BAHCC1: variants seen among roughly 807,000 people sequenced by gnomAD.
BAHCC1 encodes BAH and coiled-coil domain-containing protein 1.
BAHCC1 carries 43 observed loss-of-function variants against 88.2 expected under a neutral mutation model. That is an observed-to-expected ratio of 0.49 (90% confidence interval 0.38 to 0.63). The LOEUF is 0.63. BAHCC1 is among the 20% of genes least tolerant of loss of function. The pLI is 0.00. For missense variants in BAHCC1, 3,023 were observed against 1,654.8 expected (o/e 1.83, Z -14.34); for synonymous variants, 1,510 against 745.5 (o/e 2.03, Z -16.71).
intron 2 of BAHCC1, among the ~76,000 whole-genome samples, chr17:81,400,337 A>C (rs1159167055): frequency 6.7e-6 from 1 of 148,160 alleles, no homozygotes; most frequent in African/African-American, 2.5e-5. Flanking sequence ...GGGGGAGGGG[A>C]CCAGGGTACG....
Position 81,418,752 on chromosome 17 carries a change from C to T in BAHCC1, c.179-8048C>T, listed in dbSNP as rs549024240. On this transcript the variant is annotated intron_variant, in intron 2 of 27. Transcript: ENST00000675386. Reference sequence around the variant, plus strand: ...CTGCCAAGGTGCGCACACCCACAGACGTGTGTGTGTGTACGTGTGTGTACG... The same window carrying T: ...CTGCCAAGGTGCGCACACCCACAGATGTGTGTGTGTGTACGTGTGTGTACG... Among the ~76,000 whole-genome samples the T allele has an allele frequency of 2.4e-3, 290 of 119,092 alleles. 2 individuals are homozygous for T. The highest frequency in any genetic ancestry group is 8.5e-3 in the African/African-American group (281 of 32,982). The allele number at this position is 119,092 out of a possible 152,430, so 78.1% of individuals were successfully genotyped here.
intron 3 of BAHCC1, among the ~76,000 whole-genome samples, chr17:81,428,087 C>T (rs2064221309): frequency 6.6e-6 from 1 of 152,150 alleles, no homozygotes; most frequent in African/African-American, 2.4e-5. Context: ...CAGGGGAGGC[C>T]GCTACCTTGG....
At position 81,459,614 on chromosome 17, in the gene BAHCC1, A is replaced by T. The variant is rs1555658578; in HGVS notation, c.5905+10A>T. ...GGCAACGTGGTCCGGGGTAAGTTGCACCCAAAGCGGGGGCTGGGGCAGGCC... is the reference window on the plus strand; with the variant it reads ...GGCAACGTGGTCCGGGGTAAGTTGCTCCCAAAGCGGGGGCTGGGGCAGGCC... On this transcript the variant is annotated intron_variant, in intron 23 of 27. Coordinates refer to ENST00000675386, the MANE Select transcript of BAHCC1 (RefSeq NM_001377448.1). The T allele has an allele frequency of 2.6e-6, 2 of 779,278 alleles. No homozygotes were observed. The highest frequency in any genetic ancestry group is 3.4e-5 in the African/African-American group (2 of 59,088). 48.3% of individuals were successfully genotyped at this position (779,278 alleles called of 1,614,324 possible). A position where few individuals can be genotyped will look rare whatever the true frequency, so the allele number is the denominator to read the frequency against.
intron 2 of BAHCC1, among the ~76,000 whole-genome samples, chr17:81,420,761 G>A (rs982855479): frequency 3.3e-5 from 5 of 152,234 alleles, no homozygotes; most frequent in Admixed American, 6.5e-5. Flanking sequence ...TGCAGTCCTC[G>A]GTGGCCCCGC....
Position 81,443,413 on chromosome 17 carries a change from G to A in BAHCC1, c.2064G>A (p.Glu688=), listed in dbSNP as rs1391869209. Residue 688 remains glutamate (E), a synonymous_variant, in exon 5 of 28, where the codon GAG becomes GAA. Transcript: ENST00000675386. ...GGCCGGACTGTGCCCGCAGCAGGGA[G>A]CACGACACCACGCACGGCGACGGGG... ...SERPDCARSR[E]HDTTHGDGEV... The A allele has an allele frequency of 1.3e-6, 1 of 769,846 alleles. No homozygotes were observed. The highest frequency in any genetic ancestry group is 1.7e-5 in the African/African-American group (1 of 58,944). The allele number at this position is 769,846 out of a possible 1,614,324, so 47.7% of individuals were successfully genotyped here. A position where few individuals can be genotyped will look rare whatever the true frequency, so the allele number is the denominator to read the frequency against.
chr17:81,401,454 C>T (rs568836191), intron 2 of BAHCC1: 1 of 152,812 alleles, frequency 6.5e-6, no homozygotes, highest in South Asian at 2.1e-4. Context: ...CTTGCCTGAG[C>T]GATGGGTGAT....
chr17:81,415,157 T>G (rs1207938602), intron 2 of BAHCC1, among the ~76,000 whole-genome samples: 1 of 152,204 alleles, frequency 6.6e-6, no homozygotes, highest in African/African-American at 2.4e-5. Flanking sequence ...CCTGGCCGTG[T>G]GACCCCCACC....
chr17:81,435,309 C>T lies in BAHCC1; in HGVS notation c.359-3061C>T. On this transcript the variant is annotated intron_variant, in intron 3 of 27. Coordinates refer to ENST00000675386, the MANE Select transcript of BAHCC1 (RefSeq NM_001377448.1). The surrounding 1 kb of genome is among the most constrained non-coding windows in gnomAD (Gnocchi z 4.4). ...ATCAGGTGCCTGTGGCTTTGAGCCTCTGTCTCCTGCAGTCTGTCCCATCAC... is the reference window on the plus strand; with the variant it reads ...ATCAGGTGCCTGTGGCTTTGAGCCTTTGTCTCCTGCAGTCTGTCCCATCAC... 2 of 380,054 alleles carry T rather than the reference C, an allele frequency of 5.3e-6. No homozygotes were observed. Among genetic ancestry groups the T allele is most frequent in the Admixed American group, 3.1e-5 (1 of 32,042 alleles). The allele number at this position is 380,054 out of a possible 1,614,324, so 23.5% of individuals were successfully genotyped here.
chr17:81,452,863 G>A lies in BAHCC1; in HGVS notation c.4445+12G>A, dbSNP rs782528868. The A allele has an allele frequency of 1.4e-6, 1 of 735,014 alleles. No individual in the cohort carries two copies. Among genetic ancestry groups the A allele is most frequent in the South Asian group, 1.5e-5 (1 of 68,618 alleles). The allele number at this position is 735,014 out of a possible 1,614,324, so 45.5% of individuals were successfully genotyped here. A position where few individuals can be genotyped will look rare whatever the true frequency, so the allele number is the denominator to read the frequency against. On this transcript the variant is annotated intron_variant, in intron 14 of 27. Coordinates refer to ENST00000675386, the MANE Select transcript of BAHCC1 (RefSeq NM_001377448.1). ...GGCAAGAAAGTCAAGTGAGTCCTGG[G>A]CACTGGCATGGCAGGGCGCGTGTGG... is the stretch of plus-strand genomic sequence containing the variant.
rs1261539488 is a variant in BAHCC1, at chr17:81,460,855, T to G, written c.6203-11T>G. ...CAGCTGGGGCTGACTCTGCTGGGCT[T>G]TTGCCCTCAGGTAAAGCCGAACTCC... On this transcript the variant is annotated splice_polypyrimidine_tract_variant and intron_variant, in intron 25 of 27. Transcript: ENST00000675386. 2 of 766,490 alleles carry G rather than the reference T, an allele frequency of 2.6e-6. No homozygotes were observed. The highest frequency in any genetic ancestry group is 4.8e-6 in the Non-Finnish European group (2 of 417,880). The allele number at this position is 766,490 out of a possible 1,614,324, so 47.5% of individuals were successfully genotyped here.
chr17:81,429,114 T>C (rs1454911367), intron 3 of BAHCC1, among the ~76,000 whole-genome samples: 2 of 152,214 alleles, frequency 1.3e-5, no homozygotes, highest in South Asian at 2.1e-4. Flanking sequence ...TCTCCCGCTG[T>C]CCGTGTCAGG....
At chr17:81,414,768 C>T (rs550691728) in intron 2 of BAHCC1, among the ~76,000 whole-genome samples, 1 of 152,326 alleles carries the variant, frequency 6.6e-6, no homozygotes, top group East Asian at 1.9e-4. Flanking sequence ...TCCCCAACCC[C>T]AAGGCCCCGG....
intron 2 of BAHCC1, chr17:81,412,972 G>A (rs2063973413): frequency 7.1e-6 from 2 of 282,054 alleles, no homozygotes; most frequent in Non-Finnish European, 1.5e-5. Flanking sequence ...CGGAAGCTCG[G>A]TGCGGGTGCG....
intron 2 of BAHCC1, among the ~76,000 whole-genome samples, chr17:81,419,899 G>T (rs1254711131): frequency 6.7e-6 from 1 of 150,164 alleles, no homozygotes; most frequent in Non-Finnish European, 1.5e-5. Context: ...CCGGCTCCGC[G>T]CCCGCCTCTC....
chr17:81,452,675 G>A (rs782023944), intron 13 of BAHCC1, 48 bp from the exon 14 acceptor site: 1 of 693,168 alleles, frequency 1.4e-6, no homozygotes, highest in Non-Finnish European at 2.6e-6. Flanking sequence ...CCTTGTCGGG[G>A]AGCTGGGTTG....
rs781970064 is a variant in BAHCC1 at position 81,462,726 on chromosome 17, C to T, written c.7384-14C>T. 1.4e-6 allele frequency: 1 copy of T among 740,442 alleles called. No homozygotes were observed. The highest frequency in any genetic ancestry group is 2.5e-6 in the Non-Finnish European group (1 of 395,836). 45.9% of individuals were successfully genotyped at this position (740,442 alleles called of 1,614,324 possible). ...CCCGGCCTCTCAGAGCCACCCTGCC[C>T]ATGTCCCCCACAGCGGCGTGGCATG... On this transcript the variant is annotated splice_polypyrimidine_tract_variant and intron_variant, in intron 26 of 27. Coordinates refer to ENST00000675386, the MANE Select transcript of BAHCC1 (RefSeq NM_001377448.1).
chr17:81,458,787 C>G, intron 19 of BAHCC1, 26 bp from the exon 20 acceptor site: 1 of 760,398 alleles, frequency 1.3e-6, no homozygotes. Context: ...TGCACCCCAC[C>G]CAAGCCTGAC....
In BAHCC1 at chr17:81,462,703, C is replaced by G. The variant is rs782279458; in HGVS notation, c.7384-37C>G. On this transcript the variant is annotated intron_variant, in intron 26 of 27. Transcript: ENST00000675386. ...GCCGCCACCTGTCCCCACAGCCCCC[C>G]GGCCTCTCAGAGCCACCCTGCCCAT... The G allele has an allele frequency of 1.9e-5, 14 of 722,910 alleles. No homozygotes were observed. The African/African-American group carries it at 2.2e-4, about 12-fold the overall frequency. 44.8% of individuals were successfully genotyped at this position (722,910 alleles called of 1,614,324 possible). A position where few individuals can be genotyped will look rare whatever the true frequency, so the allele number is the denominator to read the frequency against.
chr17:81,445,558 G>A lies in BAHCC1; in HGVS notation c.3040G>A (p.Ala1014Thr), dbSNP rs782226991. 6.2e-5 allele frequency: 45 copies of A among 723,112 alleles called. No homozygotes were observed. Among genetic ancestry groups the A allele is most frequent in the Middle Eastern group, 2.6e-4 (1 of 3,866 alleles). The allele number at this position is 723,112 out of a possible 1,614,324, so 44.8% of individuals were successfully genotyped here. Residue 1014 changes from alanine (A) to threonine (T), a missense_variant, in exon 10 of 28, where the codon GCC becomes ACC. Physicochemically the swap from Ala to Thr is moderately conservative, Grantham distance 58. Transcript: ENST00000675386. ...SSPTPPPRPS[A>T]PCTLNVCPAS... Reference sequence around the variant, plus strand: ...CCCCACCCCACCACCTCGGCCCAGCGCCCCGTGCACTTTAAATGTCTGCCC... The same window carrying A: ...CCCCACCCCACCACCTCGGCCCAGCACCCCGTGCACTTTAAATGTCTGCCC...
Sources: allele counts gnomAD v4.1 joint callset (sites outside exome capture counted in the v4.1 genomes callset), GRCh38; gene constraint gnomAD v4.1.1; non-coding constraint Gnocchi (gnomAD v3.1); transcripts MANE v1.5; gene names NCBI Gene and HGNC (gene_info 2026-07-23, HGNC 2026-07-21).